The following PDXK variants were observed in gnomAD, a reference collection of about 807,000 sequenced individuals.
PDXK encodes the protein epididymis secretory sperm binding protein Li 1a.
In PDXK, 15 loss-of-function variants were observed where a neutral mutation model predicts 43.2. The ratio of observed to expected loss-of-function variants is 0.35; its 90% CI spans 0.23 to 0.53. The LOEUF (loss-of-function observed/expected upper bound fraction) is 0.53, where lower values mean the gene tolerates loss of function less well. Ranked by LOEUF, PDXK falls within the 20% of genes least tolerant of loss-of-function variation. The pLI, the probability that PDXK is intolerant of heterozygous loss-of-function variation, is 0.92. For missense variants in PDXK, 343 were observed against 417.0 expected (o/e 0.82, Z 1.54); for synonymous variants, 172 against 165.4 (o/e 1.04, Z -0.31).
intron 1 of PDXK, among the ~76,000 whole-genome samples, chr21:43,724,428 T>A (rs1601779545): frequency 6.6e-6 from 1 of 152,206 alleles, no homozygotes; most frequent in East Asian, 1.9e-4. Flanking sequence ...CCTCAGCACT[T>A]GAGCAGCATG....
At chr21:43,744,633 G>A (rs2083604655) in intron 4 of PDXK, 1 of 152,288 alleles carries the variant, frequency 6.6e-6, no homozygotes, top group Admixed American at 6.5e-5. Context: ...TAGCAAGTGT[G>A]AGCGAGGATG....
At chr21:43,740,917 C>T (rs2147259739) in intron 2 of PDXK, 1 of 147,158 alleles carries the variant, frequency 6.8e-6, no homozygotes, top group East Asian at 2.0e-4. Flanking sequence ...GGCCGAGCAC[C>T]CCGGCCTGAA....
rs181963247 is a variant in PDXK, at chr21:43,747,534, C to T, written c.378+1409C>T. On this transcript the variant is annotated intron_variant, in intron 5 of 10. Coordinates refer to ENST00000291565, the MANE Select transcript of PDXK (RefSeq NM_003681.5). ...ACTGGGTGGGGCGGGCTGGTGTGCT[C>T]AGCGTCTGTCTGTCCACTTTCTCCC... is the stretch of plus-strand genomic sequence containing the variant. Among the ~76,000 whole-genome samples the T allele has an allele frequency of 3.8e-3, 577 of 152,338 alleles. 4 individuals carry two copies. The highest frequency in any genetic ancestry group is 0.013 in the African/African-American group (523 of 41,580).
At position 43,758,510 on chromosome 21, in the gene PDXK, G is replaced by A. The variant is rs2083887625; in HGVS notation, c.*2447G>A. On this transcript the variant is annotated 3_prime_UTR_variant, in exon 11 of 11. Transcript: ENST00000291565. ...GCTGTCAAACCACGGAGCAGCTGGA[G>A]CCTGCCCTGTCCACGGCCCGTTTCC... 6.5e-6 allele frequency: 1 copy of A among 153,624 alleles called. No individual in the cohort carries two copies. The highest frequency in any genetic ancestry group is 1.5e-5 in the Non-Finnish European group (1 of 68,062). The allele number at this position is 153,624 out of a possible 1,614,324, so 9.5% of individuals were successfully genotyped here.
chr21:43,755,810 A>C (rs1254947489), intron 10 of PDXK, 46 bp downstream of exon 10: 1 of 1,559,880 alleles, frequency 6.4e-7, no homozygotes, highest in African/African-American at 1.4e-5. Context: ...CTGGCTCCCG[A>C]AGTGGGTGGG....
intron 5 of PDXK, chr21:43,748,568 G>A: frequency 6.1e-6 from 1 of 164,090 alleles, no homozygotes; most frequent in Non-Finnish European, 1.3e-5. Context: ...CATTGACTCA[G>A]CCAGGAAGAG....
chr21:43,744,306 C>T (rs543424073), intron 4 of PDXK, among the ~76,000 whole-genome samples: 26 of 152,166 alleles, frequency 1.7e-4, no homozygotes, highest in Non-Finnish European at 2.9e-4. Flanking sequence ...ATCGGTCTTT[C>T]GTTAGAGGCC....
intron 4 of PDXK, among the ~76,000 whole-genome samples, chr21:43,745,436 A>G (rs1356431286): frequency 2.0e-5 from 3 of 148,712 alleles, no homozygotes; most frequent in Non-Finnish European, 4.5e-5. Flanking sequence ...AAAAAAAAAA[A>G]GAAAGCAGAC....
intron 9 of PDXK, 39 bp from the exon 10 acceptor site, chr21:43,755,659 G>T: frequency 6.5e-7 from 1 of 1,546,346 alleles, no homozygotes; most frequent in South Asian, 1.1e-5. Context: ...CGGGTGTTGT[G>T]AGTGGGCCAG....
intron 7 of PDXK, among the ~76,000 whole-genome samples, chr21:43,751,430 T>C (rs1346916360): frequency 6.6e-6 from 1 of 152,146 alleles, no homozygotes; most frequent in African/African-American, 2.4e-5. Context: ...ACGCCTATAA[T>C]CCCGGCTAGT....
Position 43,736,763 on chromosome 21 carries a change from G to T in PDXK, c.142+2640G>T, listed in dbSNP as rs559770028. ...TCCTCCCACCTCACCCTCTTAAGTGGCTGGGTCTACAGGTGTGCACCACCA... is the reference window on the plus strand; with the variant it reads ...TCCTCCCACCTCACCCTCTTAAGTGTCTGGGTCTACAGGTGTGCACCACCA... On this transcript the variant is annotated intron_variant, in intron 2 of 10. Transcript: ENST00000291565. Among the ~76,000 whole-genome samples the T allele has an allele frequency of 3.3e-5, 5 of 151,530 alleles. No homozygotes were observed. The South Asian group carries it at 8.3e-4, about 25-fold the overall frequency.
chr21:43,758,754 C>T lies in PDXK; in HGVS notation c.*2691C>T, dbSNP rs1428286692. 6.6e-6 allele frequency: 1 copy of T among 152,312 alleles called. No homozygotes were observed. The highest frequency in any genetic ancestry group is 1.9e-4 in the East Asian group (1 of 5,204). 9.4% of individuals were successfully genotyped at this position (152,312 alleles called of 1,614,324 possible). On this transcript the variant is annotated 3_prime_UTR_variant, in exon 11 of 11. Transcript: ENST00000291565. ...GGTGACAGCTATACTGGTCCAACAT[C>T]GCCTGCTTATTGTCAGGGTACAGAA...
rs982068535 is a variant in PDXK, at chr21:43,734,729, C to T, written c.142+606C>T. ...GCCGGCCTCAGAAGCCCCTCACAGG[C>T]CATGCTTTCCATGCCCCCAGCCCCA... On this transcript the variant is annotated intron_variant, in intron 2 of 10. Transcript: ENST00000291565. This position sits in a 1 kb window ranked among gnomAD's most constrained non-coding sequence, Gnocchi z 5.0. 2.0e-5 allele frequency among the ~76,000 whole-genome samples: 3 copies of T among 152,130 alleles called. No individual in the cohort carries two copies. The South Asian group carries it at 6.2e-4, about 32-fold the overall frequency.
At chr21:43,740,561 C>T (rs902145623) in intron 2 of PDXK, among the ~76,000 whole-genome samples, 89 of 152,106 alleles carry the variant, frequency 5.9e-4, no homozygotes, top group African/African-American at 2.1e-3. Context: ...GTGTGGATGG[C>T]TGCCCCCTGA....
In PDXK at chr21:43,741,744, A is replaced by G. The variant is rs746208572; in HGVS notation, c.220A>G (p.Met74Val). 6 of 1,610,734 alleles carry G rather than the reference A, an allele frequency of 3.7e-6. No homozygotes were observed. Among genetic ancestry groups the G allele is most frequent in the Non-Finnish European group, 5.1e-6 (6 of 1,177,506 alleles). Residue 74 changes from methionine to valine, a missense_variant, in exon 3 of 11, where the codon ATG becomes GTG. Coordinates refer to ENST00000291565, the MANE Select transcript of PDXK (RefSeq NM_003681.5). ...ELYEGLRLNN[M>V]NKYDYVLTGY... ...GTACGAAGGCCTGAGGCTGAACAAC[A>G]TGAATAAATATGACTACGTGCTCAC...
chr21:43,738,042 C>T (rs1444593984), intron 2 of PDXK: 6 of 985,328 alleles, frequency 6.1e-6, no homozygotes, highest in African/African-American at 5.2e-5. Flanking sequence ...AAGTGCTGGA[C>T]GTCTCCCCTT....
intron 5 of PDXK, 61 bp downstream of exon 5, chr21:43,746,186 A>G (rs866048555): frequency 7.6e-6 from 10 of 1,316,342 alleles, no homozygotes; most frequent in Middle Eastern, 1.8e-4. Flanking sequence ...CTGTCCAGCC[A>G]GAAGACAGGC....
At chr21:43,742,796 A>C (rs908480552) in intron 3 of PDXK, among the ~76,000 whole-genome samples, 13 of 152,278 alleles carry the variant, frequency 8.5e-5, no homozygotes, top group African/African-American at 3.1e-4. Flanking sequence ...TGAGCCTGGG[A>C]GTTCAAGGCT....
At chr21:43,751,670 C>T (rs1436865221) in intron 7 of PDXK, among the ~76,000 whole-genome samples, 3 of 152,308 alleles carry the variant, frequency 2.0e-5, no homozygotes, top group East Asian at 1.9e-4. Context: ...CTTTGCTACC[C>T]GGACTGCACC....
Sources: gnomAD v4.1 joint callset for allele counts (sites outside exome capture counted in the v4.1 genomes callset) on GRCh38, gnomAD v4.1.1 for gene constraint, Gnocchi (gnomAD v3.1) non-coding constraint, MANE v1.5 for transcripts, NCBI Gene and HGNC (gene_info 2026-07-23, HGNC 2026-07-21) for gene names.